MYO1D: variants seen among roughly 807,000 people sequenced by gnomAD.
MYO1D encodes the protein myosin ID.
A neutral mutation model predicts 122.0 loss-of-function variants in MYO1D; 83 were observed. The observed-to-expected ratio is 0.68, with a 90% CI of 0.57 to 0.82. The LOEUF is 0.82. Ranked by LOEUF, MYO1D falls within the 40% of genes least tolerant of loss-of-function variation. The pLI, the probability that MYO1D is intolerant of heterozygous loss-of-function variation, is 0.00. For synonymous variants in MYO1D, 464 were observed against 446.9 expected, an observed-to-expected ratio of 1.04 and a Z score of -0.48; for missense variants, 1,157 against 1,269.5, an observed-to-expected ratio of 0.91 and a Z score of 1.35.
chr17:32,760,415 A>G lies in MYO1D; in HGVS notation c.1182-11T>C. 1.2e-6 allele frequency: 2 copies of G among 1,604,806 alleles called. No individual in the cohort carries two copies. Among genetic ancestry groups the G allele is most frequent in the Non-Finnish European group, 1.7e-6 (2 of 1,173,218 alleles). On this transcript the variant is annotated splice_polypyrimidine_tract_variant and intron_variant, in intron 9 of 21. Coordinates refer to ENST00000318217, the MANE Select transcript of MYO1D (RefSeq NM_015194.3). ...CAGAATTGTTCAAAACTACAAGAAA[A>G]GGAATAAATTAAGTTTCAACAAATA...
intron 17 of MYO1D, 36 bp downstream of exon 17, chr17:32,659,079 C>A: frequency 6.4e-7 from 1 of 1,571,322 alleles, no homozygotes; most frequent in South Asian, 1.1e-5. Context: ...ACTGTGCCAC[C>A]ATAAATGGAT....
At chr17:32,859,048 A>G (rs1416987053) in intron 1 of MYO1D, among the ~76,000 whole-genome samples, 1 of 152,230 alleles carries the variant, frequency 6.6e-6, no homozygotes, top group Admixed American at 6.5e-5. Flanking sequence ...CTTTCAGTGG[A>G]GGATGGTACT....
At chr17:32,735,087 C>CACAT (rs1409456917) in intron 14 of MYO1D, among the ~76,000 whole-genome samples, 1 of 99,494 alleles carries the variant, frequency 1.0e-5, no homozygotes. Flanking sequence ...TCTGAACACA[C>CACAT]ACACACACAC....
chr17:32,738,430 GCTGGA>G, intron 13 of MYO1D, 45 bp from the exon 14 acceptor site: 3 of 1,518,976 alleles, frequency 2.0e-6, no homozygotes, highest in Non-Finnish European at 2.7e-6. Context: ...ATTCAAATAA[GCTGGA>G]TAAAAACTGA....
In MYO1D at chr17:32,607,759, T is replaced by A. The variant is rs963390488; in HGVS notation, c.2710-2518A>T. On this transcript the variant is annotated intron_variant, in intron 20 of 21. Coordinates refer to ENST00000318217, the MANE Select transcript of MYO1D (RefSeq NM_015194.3). ...GAGGGCTCATAGAGGCTGATTTTAA[T>A]GCTTAGTATAAAGCTAGGTTAATCA... 5.3e-5 allele frequency among the ~76,000 whole-genome samples: 8 copies of A among 152,130 alleles called. No individual in the cohort carries two copies. In the East Asian group the frequency reaches 1.4e-3, roughly 26 times the overall value.
rs7501468 is a variant in MYO1D at position 32,762,883 on chromosome 17, A to G, written c.1035+1995T>C. On this transcript the variant is annotated intron_variant, in intron 8 of 21. Transcript: ENST00000318217. ...AGAGACACCGTCTCAAAAAAAAAAG[A>G]AAAAAAAAAAAAGACAAAAAAACGG... Among the ~76,000 whole-genome samples, 21 of 41,686 alleles carry G rather than the reference A, an allele frequency of 5.0e-4. No homozygotes were observed. In the East Asian group the frequency reaches 0.011, roughly 22 times the overall value. 27.3% of individuals were successfully genotyped at this position (41,686 alleles called of 152,430 possible).
chr17:32,697,905 T>C (rs2089193923), intron 16 of MYO1D, among the ~76,000 whole-genome samples: 1 of 152,216 alleles, frequency 6.6e-6, no homozygotes, highest in Admixed American at 6.5e-5. Context: ...TTGTGACTAG[T>C]TTTTCAAACT....
chr17:32,655,619 G>T (rs1358560999), intron 17 of MYO1D, among the ~76,000 whole-genome samples: 1 of 152,176 alleles, frequency 6.6e-6, no homozygotes, highest in Non-Finnish European at 1.5e-5. Context: ...CGGGATGTGA[G>T]CTTGCTTGGT....
At chr17:32,874,235 CTTTCT>C (rs2091207289) in intron 1 of MYO1D, among the ~76,000 whole-genome samples, 1 of 149,192 alleles carries the variant, frequency 6.7e-6, no homozygotes, top group African/African-American at 2.6e-5. Flanking sequence ...TTTATCTTCT[CTTTCT>C]TTTCCTTTCT....
chr17:32,865,482 T>C (rs1341782871), intron 1 of MYO1D, among the ~76,000 whole-genome samples: 1 of 152,156 alleles, frequency 6.6e-6, no homozygotes, highest in Non-Finnish European at 1.5e-5. Context: ...GTGAGAGATA[T>C]GAGGAGAGGA....
At chr17:32,584,568 G>C (rs940558270) in intron 21 of MYO1D, among the ~76,000 whole-genome samples, 1 of 150,536 alleles carries the variant, frequency 6.6e-6, no homozygotes, top group Non-Finnish European at 1.5e-5. Flanking sequence ...CTGCAGCCTT[G>C]ACCTCCTGGC....
intron 19 of MYO1D, among the ~76,000 whole-genome samples, 198 bp downstream of exon 19, chr17:32,653,645 A>T (rs999349828): frequency 6.7e-6 from 1 of 150,054 alleles, no homozygotes; most frequent in Non-Finnish European, 1.5e-5. Flanking sequence ...CACTTCCCTT[A>T]GGAAGGCTTT....
At chr17:32,572,619 CTCT>C (rs1197601602) in intron 21 of MYO1D, among the ~76,000 whole-genome samples, 2 of 152,058 alleles carry the variant, frequency 1.3e-5, no homozygotes, top group Non-Finnish European at 2.9e-5. Flanking sequence ...CTAAAAAAAC[CTCT>C]TATTAAAATC....
intron 19 of MYO1D, among the ~76,000 whole-genome samples, chr17:32,641,710 G>C (rs1188674764): frequency 6.6e-6 from 1 of 152,116 alleles, no homozygotes; most frequent in African/African-American, 2.4e-5. Flanking sequence ...TTTCATGTGT[G>C]TGTTGGCTGC....
intron 14 of MYO1D, among the ~76,000 whole-genome samples, chr17:32,729,090 G>C (rs2089608099): frequency 1.3e-5 from 2 of 152,124 alleles, no homozygotes; most frequent in Admixed American, 6.5e-5. Flanking sequence ...CAAATTCAGA[G>C]TGTCTTATAA....
chr17:32,810,222 C>A (rs1467463148), intron 1 of MYO1D, among the ~76,000 whole-genome samples: 7 of 152,088 alleles, frequency 4.6e-5, no homozygotes, highest in Non-Finnish European at 1.0e-4. Context: ...ACCCAGACAG[C>A]AGACAGGGAG....
At chr17:32,613,912 T>C (rs1379276667) in intron 20 of MYO1D, among the ~76,000 whole-genome samples, 2 of 151,452 alleles carry the variant, frequency 1.3e-5, no homozygotes, top group Admixed American at 6.6e-5. Context: ...GGGGTCAGGC[T>C]CGCTGGCTTT....
At chr17:32,560,501 T>TA (rs1166077785) in intron 21 of MYO1D, among the ~76,000 whole-genome samples, 2 of 87,988 alleles carry the variant, frequency 2.3e-5, no homozygotes, top group African/African-American at 3.9e-5. Context: ...GATATTTAAG[T>TA]AAAAAAAAAG....
At chr17:32,585,949 T>G (rs977461100) in intron 21 of MYO1D, among the ~76,000 whole-genome samples, 4 of 152,192 alleles carry the variant, frequency 2.6e-5, no homozygotes, top group African/African-American at 9.7e-5. Context: ...GTCGGCTACT[T>G]CTTTTGGTTT....
Sources: allele counts gnomAD v4.1 joint callset (sites outside exome capture counted in the v4.1 genomes callset), GRCh38; gene constraint gnomAD v4.1.1; transcripts MANE v1.5; gene names NCBI Gene and HGNC (gene_info 2026-07-23, HGNC 2026-07-21).